HNF4A: variants seen among roughly 807,000 people sequenced by gnomAD.
HNF4A encodes hepatocyte nuclear factor 4-alpha.
A neutral mutation model predicts 52.4 loss-of-function variants in HNF4A; 15 were observed. That is an observed-to-expected ratio of 0.29 (90% confidence interval 0.19 to 0.44). The LOEUF is 0.44. HNF4A is among the 20% of genes least tolerant of loss of function. HNF4A has a pLI of 1.00. For missense variants in HNF4A, 479 were observed against 647.2 expected (o/e 0.74, Z 2.82); for synonymous variants, 280 against 264.4 (o/e 1.06, Z -0.57).
intron 1 of HNF4A, among the ~76,000 whole-genome samples, chr20:44,404,006 C>T (rs1442320392): frequency 6.6e-6 from 1 of 152,184 alleles, no homozygotes; most frequent in East Asian, 1.9e-4. Context: ...CAATTATCCC[C>T]ATCTCCAGGA....
intron 3 of HNF4A, among the ~76,000 whole-genome samples, chr20:44,407,692 GCTCCT>G (rs1304271926): frequency 1.3e-5 from 2 of 151,764 alleles, no homozygotes; most frequent in African/African-American, 4.9e-5. Flanking sequence ...CCCACTCTTG[GCTCCT>G]CAGGCTCCCA....
intron 8 of HNF4A, among the ~76,000 whole-genome samples, chr20:44,425,425 A>C (rs780408857): frequency 5.1e-4 from 77 of 152,326 alleles, no homozygotes; most frequent in Non-Finnish European, 9.0e-4. Flanking sequence ...CTGATCATCT[A>C]TTTGGAGGAA....
intron 7 of HNF4A, among the ~76,000 whole-genome samples, chr20:44,422,754 A>G (rs2063764052): frequency 6.6e-6 from 1 of 151,306 alleles, no homozygotes; most frequent in African/African-American, 2.4e-5. Flanking sequence ...GTCTTGGCTC[A>G]CTGCGACCTC....
chr20:44,426,814 A>G (rs1183697516), intron 8 of HNF4A, among the ~76,000 whole-genome samples: 5 of 152,136 alleles, frequency 3.3e-5, no homozygotes, highest in Non-Finnish European at 7.3e-5. Context: ...CTCAACAACA[A>G]CAACAAAAGG....
At chr20:44,364,685 G>A (rs2062953388) in intron 1 of HNF4A, among the ~76,000 whole-genome samples, 1 of 152,216 alleles carries the variant, frequency 6.6e-6, no homozygotes, top group Admixed American at 6.5e-5. Context: ...GGCCAGGCTG[G>A]TCTTGAACTC....
At chr20:44,366,597 G>A (rs1171173537) in intron 1 of HNF4A, among the ~76,000 whole-genome samples, 1 of 151,946 alleles carries the variant, frequency 6.6e-6, no homozygotes, top group East Asian at 1.9e-4. Context: ...CTCCAACCTG[G>A]GCAACAGAGC....
chr20:44,406,051 G>A lies in HNF4A; in HGVS notation c.116-7G>A. 1 of 1,611,704 alleles carries A rather than the reference G, an allele frequency of 6.2e-7. No homozygotes were observed. Among genetic ancestry groups the A allele is most frequent in the Non-Finnish European group, 8.5e-7 (1 of 1,179,738 alleles). On this transcript the variant is annotated splice_region_variant and splice_polypyrimidine_tract_variant and intron_variant, in intron 1 of 9. Coordinates refer to ENST00000316099, the MANE Select transcript of HNF4A (RefSeq NM_000457.6). ...CTGAAGCCTCACTCCCTTCTCTCCTGGCGCAGACACGTCCCCATCAGAAGG... is the reference window on the plus strand; with the variant it reads ...CTGAAGCCTCACTCCCTTCTCTCCTAGCGCAGACACGTCCCCATCAGAAGG...
chr20:44,416,210 T>C (rs1052255980), intron 5 of HNF4A, among the ~76,000 whole-genome samples: 9 of 152,192 alleles, frequency 5.9e-5, no homozygotes, highest in African/African-American at 2.2e-4. Flanking sequence ...TCCCCATTCC[T>C]GGTATATGAG....
intron 1 of HNF4A, among the ~76,000 whole-genome samples, chr20:44,364,476 T>A (rs77380240): frequency 2.0e-4 from 30 of 150,872 alleles, no homozygotes; most frequent in African/African-American, 7.0e-4. Flanking sequence ...ATTTTTTTTT[T>A]ATTTTTTTTT....
At chr20:44,402,569 C>A (rs769620848) in intron 1 of HNF4A, 5 of 1,365,518 alleles carry the variant, frequency 3.7e-6, no homozygotes, top group African/African-American at 1.5e-5. Context: ...GTTGCCGCTG[C>A]GTCTCGCCAG....
At chr20:44,361,916 G>A (rs2062921519) in intron 1 of HNF4A, among the ~76,000 whole-genome samples, 1 of 152,074 alleles carries the variant, frequency 6.6e-6, no homozygotes, top group South Asian at 2.1e-4. Flanking sequence ...CTGGAACCTC[G>A]GTTTAGCAGG....
At position 44,407,495 on chromosome 20, in the gene HNF4A, GC is replaced by G; in HGVS notation, c.385+24del. ...AGGAAGGTGAGCCTCGGCCCTCCCC[GC>G]CCCACCACCACTGCCCCACCTGCAC... On this transcript the variant is annotated intron_variant, in intron 3 of 9. Transcript: ENST00000316099. 3 of 1,475,546 alleles carry G rather than the reference GC, an allele frequency of 2.0e-6. No homozygotes were observed. Among genetic ancestry groups the G allele is most frequent in the Non-Finnish European group, 1.8e-6 (2 of 1,083,456 alleles). 91.4% of individuals were successfully genotyped at this position (1,475,546 alleles called of 1,614,324 possible).
At chr20:44,405,280 A>C (rs935607813) in intron 1 of HNF4A, among the ~76,000 whole-genome samples, 3 of 152,102 alleles carry the variant, frequency 2.0e-5, no homozygotes, top group African/African-American at 7.2e-5. Context: ...AATTTTTTAA[A>C]TTTTTTAAAT....
intron 1 of HNF4A, chr20:44,391,352 G>A (rs2063299773): frequency 6.6e-6 from 1 of 152,364 alleles, no homozygotes; most frequent in Admixed American, 6.5e-5. Context: ...GATGACTTGG[G>A]ACATTCTTTG....
intron 1 of HNF4A, among the ~76,000 whole-genome samples, chr20:44,389,207 C>T (rs192901085): frequency 1.1e-4 from 16 of 152,372 alleles, no homozygotes; most frequent in Admixed American, 3.3e-4. Flanking sequence ...TCCCCAGGTG[C>T]TATCACATCG....
rs1439295731 is a variant in HNF4A, at chr20:44,431,280, C to T, written c.*1615C>T. 1.3e-5 allele frequency: 2 copies of T among 152,294 alleles called. No individual in the cohort carries two copies. The highest frequency in any genetic ancestry group is 6.5e-5 in the Admixed American group (1 of 15,276). The allele number at this position is 152,294 out of a possible 1,614,324, so 9.4% of individuals were successfully genotyped here. A position where few individuals can be genotyped will look rare whatever the true frequency, so the allele number is the denominator to read the frequency against. On this transcript the variant is annotated 3_prime_UTR_variant, in exon 10 of 10. Transcript: ENST00000316099. The stretch of plus-strand genomic sequence containing the variant: ...CTTCTACAGCCTCAGAAACCAGACT[C>T]GTTCTTCTGGGAACCCTGCCCACTC...
chr20:44,423,264 C>T (rs1365825838), intron 7 of HNF4A, among the ~76,000 whole-genome samples: 2 of 152,062 alleles, frequency 1.3e-5, no homozygotes, highest in African/African-American at 2.4e-5. Flanking sequence ...TGCGGTGAGC[C>T]GAGATCACGC....
In HNF4A at chr20:44,428,360, C is replaced by T; in HGVS notation, c.1155C>T (p.Ala385=). 1 of 1,614,134 alleles carries T rather than the reference C, an allele frequency of 6.2e-7. No individual in the cohort carries two copies. Among genetic ancestry groups the T allele is most frequent in the Non-Finnish European group, 8.5e-7 (1 of 1,180,028 alleles). Residue 385 remains alanine (A), a synonymous_variant, in exon 9 of 10, where the codon GCC becomes GCT. Transcript: ENST00000316099. ...GGTCCCCCAGCGATGCACCCCATGC[C>T]CACCACCCCCTGCACCCTCACCTGA...
intron 1 of HNF4A, among the ~76,000 whole-genome samples, chr20:44,365,409 A>G (rs1439826891): frequency 6.6e-6 from 1 of 152,062 alleles, no homozygotes; most frequent in Non-Finnish European, 1.5e-5. Flanking sequence ...CCTGTCCTCA[A>G]TCTTCCTGCA....
Sources: allele counts gnomAD v4.1 joint callset (sites outside exome capture counted in the v4.1 genomes callset), GRCh38; gene constraint gnomAD v4.1.1; transcripts MANE v1.5; gene names NCBI Gene and HGNC (gene_info 2026-07-23, HGNC 2026-07-21).